SPATA16: variants seen among roughly 807,000 people sequenced by gnomAD.
The protein encoded by SPATA16 is spermatogenesis-associated protein 16.
SPATA16 carries 36 observed loss-of-function variants against 63.3 expected under a neutral mutation model. That is an observed-to-expected ratio of 0.57 (90% CI 0.44 to 0.75). The LOEUF (loss-of-function observed/expected upper bound fraction) is 0.75. Among genes scored for constraint, SPATA16 ranks in the 30% least tolerant of loss-of-function variants. The pLI is 0.00. For missense variants in SPATA16, 646 were observed against 679.3 expected, an observed-to-expected ratio of 0.95 and a Z score of 0.54; for synonymous variants, 203 against 216.7, an observed-to-expected ratio of 0.94 and a Z score of 0.56.
intron 2 of SPATA16, among the ~76,000 whole-genome samples, chr3:173,110,195 C>G (rs1035445132): frequency 6.6e-6 from 1 of 152,120 alleles, no homozygotes; most frequent in Admixed American, 6.6e-5. Flanking sequence ...TAATCTTGAA[C>G]ATGAAGAGTT....
intron 6 of SPATA16, among the ~76,000 whole-genome samples, chr3:172,949,680 G>A (rs7632946): frequency 6.6e-6 from 1 of 151,820 alleles, no homozygotes; most frequent in South Asian, 2.1e-4. Flanking sequence ...TGAGAACTCC[G>A]TCGCCTGCTA....
intron 2 of SPATA16, among the ~76,000 whole-genome samples, chr3:173,110,857 C>A (rs773489257): frequency 3.3e-5 from 5 of 152,192 alleles, no homozygotes; most frequent in Non-Finnish European, 2.9e-5. Flanking sequence ...CACTTGAGAA[C>A]CTACTAGTGG....
At chr3:173,138,856 T>A (rs1738623225) in intron 1 of SPATA16, among the ~76,000 whole-genome samples, 1 of 152,188 alleles carries the variant, frequency 6.6e-6, no homozygotes, top group Non-Finnish European at 1.5e-5. Context: ...TTCAAATACA[T>A]GAATTCTGCA....
intron 4 of SPATA16, among the ~76,000 whole-genome samples, chr3:173,017,205 A>G (rs1274921409): frequency 1.3e-5 from 2 of 152,228 alleles, no homozygotes; most frequent in East Asian, 1.9e-4. Context: ...TGTACCTGAC[A>G]GTAATTGTAT....
At chr3:173,093,822 A>G (rs1388222850) in intron 2 of SPATA16, among the ~76,000 whole-genome samples, 1 of 152,144 alleles carries the variant, frequency 6.6e-6, no homozygotes, top group Non-Finnish European at 1.5e-5. Context: ...GTAGTAATAA[A>G]AAGACTATTT....
chr3:173,124,177 A>T (rs1738164150), intron 1 of SPATA16, among the ~76,000 whole-genome samples: 1 of 152,150 alleles, frequency 6.6e-6, no homozygotes, highest in Non-Finnish European at 1.5e-5. Flanking sequence ...TAGAAGGGAG[A>T]CTTTATCATG....
chr3:173,118,718 T>C (rs1027412900), intron 1 of SPATA16, among the ~76,000 whole-genome samples: 2 of 152,204 alleles, frequency 1.3e-5, no homozygotes, highest in African/African-American at 2.4e-5. Flanking sequence ...GTCACATTGG[T>C]TGGTCATTAG....
At chr3:173,074,346 A>C (rs1039480499) in intron 2 of SPATA16, among the ~76,000 whole-genome samples, 2 of 152,034 alleles carry the variant, frequency 1.3e-5, no homozygotes, top group African/African-American at 4.8e-5. Context: ...TCCCCATCCA[A>C]ATCTTATCTT....
chr3:172,942,336 C>T (rs1039378371), intron 6 of SPATA16, among the ~76,000 whole-genome samples: 1 of 151,688 alleles, frequency 6.6e-6, no homozygotes, highest in Non-Finnish European at 1.5e-5. Flanking sequence ...TATTTTAACA[C>T]GAGGGCATAA....
intron 4 of SPATA16, among the ~76,000 whole-genome samples, chr3:172,983,536 T>C (rs1423471574): frequency 1.3e-5 from 2 of 152,198 alleles, no homozygotes; most frequent in African/African-American, 2.4e-5. Flanking sequence ...AATTCTTTTG[T>C]ATTATTGATA....
At chr3:172,933,785 A>G (rs1485379688) in intron 6 of SPATA16, among the ~76,000 whole-genome samples, 4 of 152,164 alleles carry the variant, frequency 2.6e-5, no homozygotes, top group Non-Finnish European at 5.9e-5. Context: ...GATTCCTACC[A>G]CTTGAAACCA....
intron 5 of SPATA16, among the ~76,000 whole-genome samples, chr3:172,969,324 C>T (rs1733993298): frequency 6.6e-6 from 1 of 152,088 alleles, no homozygotes; most frequent in Non-Finnish European, 1.5e-5. Context: ...ATTTAAATTG[C>T]ATTGTCAGGT....
intron 2 of SPATA16, among the ~76,000 whole-genome samples, chr3:173,112,267 G>T (rs1160383929): frequency 1.3e-5 from 2 of 152,196 alleles, no homozygotes; most frequent in African/African-American, 4.8e-5. Flanking sequence ...ATTATAAAAT[G>T]TAGGGGCCAA....
At chr3:172,906,471 CTTTAT>C (rs1732239432) in intron 10 of SPATA16, among the ~76,000 whole-genome samples, 1 of 152,158 alleles carries the variant, frequency 6.6e-6, no homozygotes, top group African/African-American at 2.4e-5. Context: ...ATTGAAAGAA[CTTTAT>C]TTTGAGAACT....
chr3:173,029,188 TC>T (rs1370178115), intron 3 of SPATA16, among the ~76,000 whole-genome samples: 1 of 152,028 alleles, frequency 6.6e-6, no homozygotes, highest in Admixed American at 6.6e-5. Context: ...AATAAATTCC[TC>T]ACTGAGTGGG....
At chr3:172,948,000 A>G (rs1330587321) in intron 6 of SPATA16, among the ~76,000 whole-genome samples, 2 of 152,064 alleles carry the variant, frequency 1.3e-5, no homozygotes, top group Non-Finnish European at 2.9e-5. Flanking sequence ...AACAATCTCA[A>G]AAGTACAAAT....
In SPATA16 at chr3:172,996,729, T is replaced by C. The variant is rs533881942; in HGVS notation, c.849-19677A>G. Among the ~76,000 whole-genome samples the C allele has an allele frequency of 2.6e-5, 4 of 152,282 alleles. No homozygotes were observed. In the East Asian group the frequency reaches 5.8e-4, roughly 22 times the overall value. ...TCTATGGGCTTTGACAAACGTACAA[T>C]GATATATATCCTTCATTGTAGTACC... is the stretch of plus-strand genomic sequence containing the variant. On this transcript the variant is annotated intron_variant, in intron 4 of 10. Coordinates refer to ENST00000351008, the MANE Select transcript of SPATA16 (RefSeq NM_031955.6).
chr3:172,960,864 ACTTTCTTTCTCT>A (rs1340597150), intron 5 of SPATA16, among the ~76,000 whole-genome samples: 31 of 94,238 alleles, frequency 3.3e-4, no homozygotes, highest in Non-Finnish European at 5.6e-4. Flanking sequence ...TATGTAACTT[ACTTTCTTTCTCT>A]CTTTCTTTCT....
chr3:172,994,761 T>C (rs1054418694), intron 4 of SPATA16, among the ~76,000 whole-genome samples: 7 of 152,302 alleles, frequency 4.6e-5, no homozygotes, highest in Non-Finnish European at 7.4e-5. Context: ...ATTAACAATA[T>C]GGTGTGAATA....
Sources: gnomAD v4.1 joint callset for allele counts (sites outside exome capture counted in the v4.1 genomes callset) on GRCh38, gnomAD v4.1.1 for gene constraint, MANE v1.5 for transcripts, NCBI Gene and HGNC (gene_info 2026-07-23, HGNC 2026-07-21) for gene names.